Variants in MARCHF1 observed in about 807,000 individuals in gnomAD.
The protein encoded by MARCHF1 is E3 ubiquitin-protein ligase MARCHF1.
Under a neutral mutation model 54.2 loss-of-function variants are expected in MARCHF1, and 40 were observed. That is an observed-to-expected ratio of 0.74 (90% CI 0.57 to 0.96). The LOEUF (loss-of-function observed/expected upper bound fraction) is 0.96, where lower values mean the gene tolerates loss of function less well. Among genes scored for constraint, MARCHF1 ranks in the 40% least tolerant of loss-of-function variants. MARCHF1 has a pLI of 0.00. For synonymous variants in MARCHF1, 236 were observed against 236.3 expected (o/e 1.00, Z 0.01); for missense variants, 586 against 656.5 (o/e 0.89, Z 1.17).
intron 1 of MARCHF1, chr4:164,196,983 A>T (rs1385670737): frequency 6.2e-7 from 1 of 1,603,280 alleles, no homozygotes; most frequent in Non-Finnish European, 8.5e-7. Flanking sequence ...CTTAGTCATC[A>T]TCTTCTCCCT....
intron 3 of MARCHF1, among the ~76,000 whole-genome samples, chr4:163,980,079 A>T (rs1752731199): frequency 6.7e-6 from 1 of 149,300 alleles, no homozygotes; most frequent in Non-Finnish European, 1.5e-5. Context: ...AGCCAAAAGA[A>T]CAAAGCTGGA....
At chr4:163,699,893 C>A (rs1373595674) in intron 5 of MARCHF1, among the ~76,000 whole-genome samples, 2 of 151,682 alleles carry the variant, frequency 1.3e-5, no homozygotes, top group African/African-American at 4.8e-5. Context: ...TAGAGTATGT[C>A]TCTCAAACGA....
At chr4:164,199,333 C>T (rs1454777891) in intron 1 of MARCHF1, among the ~76,000 whole-genome samples, 1 of 152,064 alleles carries the variant, frequency 6.6e-6, no homozygotes, top group Admixed American at 6.6e-5. Context: ...ATTCATCTAC[C>T]ACACTGACAT....
rs576313365 is a variant in MARCHF1 at position 164,211,251 on chromosome 4, T to G, written c.-322-99589A>C. On this transcript the variant is annotated intron_variant, in intron 1 of 9. Transcript: ENST00000514618. Reference sequence around the variant, plus strand: ...TAATAAGTAGTTGAGGTGGTAGATATGTTAATAAGCTTGATTTAATCTTTA... The same window carrying G: ...TAATAAGTAGTTGAGGTGGTAGATAGGTTAATAAGCTTGATTTAATCTTTA... Among the ~76,000 whole-genome samples, 4 of 145,386 alleles carry G rather than the reference T, an allele frequency of 2.8e-5. No homozygotes were observed. The South Asian group carries it at 9.1e-4, about 33-fold the overall frequency.
chr4:163,558,756 C>A (rs77610366), intron 8 of MARCHF1, among the ~76,000 whole-genome samples: 9,867 of 152,176 alleles, frequency 0.065, 495 homozygotes, highest in African/African-American at 0.13. Flanking sequence ...TTTCAGAAAG[C>A]CTGTTCTTGC....
chr4:163,552,988 G>C (rs907470023), intron 8 of MARCHF1, among the ~76,000 whole-genome samples: 3 of 146,864 alleles, frequency 2.0e-5, no homozygotes, highest in Admixed American at 1.4e-4. Flanking sequence ...AGCCGAGATC[G>C]CGCCACTGCC....
At chr4:163,529,208 T>C (rs767862979) in intron 9 of MARCHF1, among the ~76,000 whole-genome samples, 162 bp from the exon 10 acceptor site, 2 of 152,060 alleles carry the variant, frequency 1.3e-5, no homozygotes, top group Non-Finnish European at 2.9e-5. Flanking sequence ...ATAACCCGAA[T>C]TGGCGTAATT....
intron 1 of MARCHF1, among the ~76,000 whole-genome samples, chr4:164,144,755 A>G (rs1235446136): frequency 1.2e-4 from 15 of 120,274 alleles, no homozygotes; most frequent in South Asian, 1.2e-3. Context: ...CATCACAATT[A>G]AAAGAACTAG....
intron 8 of MARCHF1, among the ~76,000 whole-genome samples, chr4:163,580,296 T>C (rs1740186436): frequency 6.6e-6 from 1 of 152,090 alleles, no homozygotes; most frequent in South Asian, 2.1e-4. Flanking sequence ...GCCAGGCTGG[T>C]CTCGGTCTCC....
At position 163,716,300 on chromosome 4, in the gene MARCHF1, G is replaced by T. The variant is rs192403413; in HGVS notation, c.112-15437C>A. Among the ~76,000 whole-genome samples, 261 of 152,252 alleles carry T rather than the reference G, an allele frequency of 1.7e-3. 1 individual carries two copies. Among genetic ancestry groups the T allele is most frequent in the African/African-American group, 6.0e-3 (251 of 41,542 alleles). On this transcript the variant is annotated intron_variant, in intron 4 of 9. Transcript: ENST00000514618. ...GTCCTAATTTTAAAAATAAGTTTCA[G>T]AATACAAAATGCACAATATTATGTT...
chr4:163,838,194 C>T (rs1479063339), intron 4 of MARCHF1, among the ~76,000 whole-genome samples: 1 of 152,068 alleles, frequency 6.6e-6, no homozygotes, highest in Non-Finnish European at 1.5e-5. Flanking sequence ...CCTGAAAATA[C>T]CAAAATCCAT....
intron 5 of MARCHF1, among the ~76,000 whole-genome samples, chr4:163,686,182 A>G (rs1286994876): frequency 1.3e-5 from 2 of 148,924 alleles, no homozygotes; most frequent in African/African-American, 5.0e-5. Flanking sequence ...TAAACTCCAG[A>G]AATTTTAAAT....
intron 1 of MARCHF1, among the ~76,000 whole-genome samples, chr4:164,162,021 A>G (rs1164539126): frequency 2.6e-5 from 4 of 152,170 alleles, no homozygotes; most frequent in African/African-American, 9.7e-5. Context: ...AAAAGCACAG[A>G]ACACTAAAAG....
chr4:164,316,793 C>T (rs1735012232), intron 1 of MARCHF1, among the ~76,000 whole-genome samples: 1 of 152,086 alleles, frequency 6.6e-6, no homozygotes, highest in Admixed American at 6.5e-5. Context: ...TTCCCCCTTG[C>T]TATTCTCCTG....
chr4:164,158,648 T>C (rs1730149185), intron 1 of MARCHF1, among the ~76,000 whole-genome samples: 1 of 151,944 alleles, frequency 6.6e-6, no homozygotes, highest in Non-Finnish European at 1.5e-5. Flanking sequence ...CTCAAAATAA[T>C]AATAATAAAT....
chr4:163,900,287 G>T (rs1479106433), intron 3 of MARCHF1, among the ~76,000 whole-genome samples: 2 of 151,670 alleles, frequency 1.3e-5, no homozygotes, highest in Non-Finnish European at 2.9e-5. Flanking sequence ...AAAATATTTA[G>T]GGAGAACTGG....
intron 5 of MARCHF1, among the ~76,000 whole-genome samples, chr4:163,629,880 A>G (rs920735972): frequency 6.6e-6 from 1 of 152,238 alleles, no homozygotes; most frequent in African/African-American, 2.4e-5. Flanking sequence ...CAAGTCATTA[A>G]TCATCAATGA....
At chr4:164,256,570 G>A (rs1033476624) in intron 1 of MARCHF1, among the ~76,000 whole-genome samples, 3 of 151,704 alleles carry the variant, frequency 2.0e-5, no homozygotes, top group Non-Finnish European at 2.9e-5. Context: ...AAAAAAAGAA[G>A]GGAAAAATAA....
intron 1 of MARCHF1, among the ~76,000 whole-genome samples, chr4:164,125,802 T>C (rs572782246): frequency 6.6e-5 from 10 of 152,314 alleles, no homozygotes; most frequent in African/African-American, 2.4e-4. Context: ...TAGATTCTTA[T>C]AGGAGCACAA....
Sources: allele counts gnomAD v4.1 joint callset (sites outside exome capture counted in the v4.1 genomes callset), GRCh38; gene constraint gnomAD v4.1.1; transcripts MANE v1.5; gene names NCBI Gene and HGNC (gene_info 2026-07-23, HGNC 2026-07-21).